Variants in ENO1 observed in about 807,000 individuals in gnomAD.
ENO1 encodes the protein enolase 1.
In ENO1, 33 loss-of-function variants were observed where a neutral mutation model predicts 46.3. The observed-to-expected ratio is 0.71, with a 90% confidence interval of 0.54 to 0.95. The LOEUF is 0.95. ENO1 is among the 40% of genes least tolerant of loss of function. The pLI, the probability that ENO1 is intolerant of heterozygous loss-of-function variation, is 0.00. For missense variants in ENO1, 488 were observed against 553.3 expected (o/e 0.88, Z 1.18); for synonymous variants, 220 against 216.0 (o/e 1.02, Z -0.16).
intron 11 of ENO1, among the ~76,000 whole-genome samples, chr1:8,862,462 C>G (rs1642424879): frequency 6.6e-6 from 1 of 152,194 alleles, no homozygotes; most frequent in Admixed American, 6.5e-5. Flanking sequence ...AGCCCCACAG[C>G]GCTCACAAGT....
intron 2 of ENO1, among the ~76,000 whole-genome samples, chr1:8,874,593 A>G (rs1159123557): frequency 1.3e-5 from 2 of 150,404 alleles, no homozygotes; most frequent in African/African-American, 4.9e-5. Flanking sequence ...AAAAAAAAAA[A>G]AAAAAAAGAA....
rs1642393024 is a variant in ENO1 at position 8,861,117 on chromosome 1, G to T, written c.*243C>A. 2 of 490,352 alleles carry T rather than the reference G, an allele frequency of 4.1e-6. No homozygotes were observed. Among genetic ancestry groups the T allele is most frequent in the African/African-American group, 3.9e-5 (2 of 51,710 alleles). The allele number at this position is 490,352 out of a possible 1,614,324, so 30.4% of individuals were successfully genotyped here. On this transcript the variant is annotated 3_prime_UTR_variant, in exon 12 of 12. Coordinates refer to ENST00000234590, the MANE Select transcript of ENO1 (RefSeq NM_001428.5). ...TGACTCTAGACACTTGGTGGAAAGT[G>T]AGGCGAGAAAAACAATGACTTGGGC... is the stretch of plus-strand genomic sequence containing the variant.
chr1:8,870,874 C>T, intron 3 of ENO1: 4 of 1,271,546 alleles, frequency 3.1e-6, no homozygotes, highest in Non-Finnish European at 3.0e-6. Flanking sequence ...CTTAATGGGT[C>T]TGGAGACGCC....
intron 3 of ENO1, 129 bp from the exon 4 acceptor site, chr1:8,870,639 C>A (rs1046934823): frequency 1.3e-6 from 2 of 1,517,358 alleles, no homozygotes; most frequent in South Asian, 2.4e-5. Context: ...GACCTCTTCC[C>A]CCTCTCCCCT....
At chr1:8,875,317 AAAAG>A (rs956021226) in intron 1 of ENO1, among the ~76,000 whole-genome samples, 7 of 152,244 alleles carry the variant, frequency 4.6e-5, no homozygotes, top group East Asian at 1.9e-4. Flanking sequence ...GAAAAAAAAA[AAAAG>A]AGAGAGAAAA....
At chr1:8,865,941 G>A in intron 7 of ENO1, 1 of 330,734 alleles carries the variant, frequency 3.0e-6, no homozygotes, top group Non-Finnish European at 5.6e-6. Context: ...TGGCTAAGCT[G>A]CCCTGCCAGC....
rs775148740 is a variant in ENO1 at position 8,866,427 on chromosome 1, G to T, written c.519C>A (p.Val173=). ...LAMQEFMILP[V]GAANFREAMR... ...TGGCTTCCCTGAAGTTTGCTGCACC[G>T]ACTGGGAGGATCATGAACTCCTGCA... The change falls in exon 7 of 12, where the codon GTC becomes GTA. Residue 173 remains valine, a synonymous_variant. Transcript: ENST00000234590. The T allele has an allele frequency of 1.2e-6, 2 of 1,614,066 alleles. No individual in the cohort carries two copies. The highest frequency in any genetic ancestry group is 2.2e-5 in the East Asian group (1 of 44,896).
At chr1:8,867,937 C>A in intron 5 of ENO1, 51 bp downstream of exon 5, 1 of 1,532,766 alleles carries the variant, frequency 6.5e-7, no homozygotes, top group South Asian at 1.1e-5. Flanking sequence ...TTAAAATCTT[C>A]AGGAGACTTC....
intron 2 of ENO1, chr1:8,873,642 CAGCA>C (rs1456705076): frequency 6.6e-6 from 1 of 152,242 alleles, no homozygotes; most frequent in Non-Finnish European, 1.5e-5. Context: ...AGAGCCCACA[CAGCA>C]AGCAGCCAAC....
chr1:8,864,812 C>T (rs1199024224), intron 8 of ENO1, among the ~76,000 whole-genome samples: 3 of 152,158 alleles, frequency 2.0e-5, no homozygotes, highest in Admixed American at 6.5e-5. Context: ...TGAATTCTTG[C>T]CCCACCATTT....
At chr1:8,871,171 A>G (rs1569914156) in intron 3 of ENO1, 1 of 1,093,688 alleles carries the variant, frequency 9.1e-7, no homozygotes, top group Non-Finnish European at 1.1e-6. Context: ...GGGACTGAAC[A>G]CCCAGCACCA....
chr1:8,866,274 T>C lies in ENO1; in HGVS notation c.667+5A>G. 1 of 1,613,732 alleles carries C rather than the reference T, an allele frequency of 6.2e-7. No individual in the cohort carries two copies. Reference sequence around the variant, plus strand: ...GGTGGGGGGGCGGTTCCCTAGCGCCTTTACCTTCTTTATTCTCCAGGATGT... The same window carrying C: ...GGTGGGGGGGCGGTTCCCTAGCGCCCTTACCTTCTTTATTCTCCAGGATGT... On this transcript the variant is annotated splice_donor_5th_base_variant and intron_variant, in intron 7 of 11. Transcript: ENST00000234590.
intron 1 of ENO1, among the ~76,000 whole-genome samples, chr1:8,876,608 A>T (rs1188317198): frequency 2.0e-5 from 3 of 152,104 alleles, no homozygotes; most frequent in Non-Finnish European, 4.4e-5. Context: ...AAGACGAAAG[A>T]AAGTCTTGGC....
Position 8,866,259 on chromosome 1 carries a change from C to T in ENO1, c.667+20G>A, listed in dbSNP as rs1011319085. On this transcript the variant is annotated intron_variant, in intron 7 of 11. Transcript: ENST00000234590. ...GGCGCTGCAGGGCTGGGTGGGGGGG[C>T]GGTTCCCTAGCGCCTTTACCTTCTT... The T allele has an allele frequency of 8.7e-6, 14 of 1,610,728 alleles. No homozygotes were observed. Among genetic ancestry groups the T allele is most frequent in the Middle Eastern group, 3.4e-4 (2 of 5,842 alleles).
At chr1:8,866,577 C>T in intron 6 of ENO1, 76 bp from the exon 7 acceptor site, 1 of 1,476,882 alleles carries the variant, frequency 6.8e-7, no homozygotes, top group Non-Finnish European at 9.4e-7. Flanking sequence ...TCTGGTCCTA[C>T]CATCCCAATC....
At chr1:8,876,625 C>T (rs1318127019) in intron 1 of ENO1, among the ~76,000 whole-genome samples, 3 of 152,026 alleles carry the variant, frequency 2.0e-5, no homozygotes, top group Non-Finnish European at 4.4e-5. Flanking sequence ...TGGCCGGGCG[C>T]GGTGGCTCAC....
chr1:8,867,135 T>C lies in ENO1; in HGVS notation c.426A>G (p.Glu142=). The C allele has an allele frequency of 6.2e-7, 1 of 1,614,070 alleles. No individual in the cohort carries two copies. Among genetic ancestry groups the C allele is most frequent in the Non-Finnish European group, 8.5e-7 (1 of 1,179,966 alleles). Residue 142 remains glutamate, a synonymous_variant, in exon 6 of 12, where the codon GAA becomes GAG. Transcript: ENST00000234590. ...CACTCACCGGGACTGGCAGGATGAC[T>C]TCAGAGTTGCCAGCCAAGTCAGCGA... ...RHIADLAGNS[E]VILPVPAFNV...
At chr1:8,863,579 C>T (rs1642448608) in intron 9 of ENO1, among the ~76,000 whole-genome samples, 1 of 152,198 alleles carries the variant, frequency 6.6e-6, no homozygotes, top group Non-Finnish European at 1.5e-5. Flanking sequence ...GGTTCAGCCT[C>T]CCTTGATGGG....
At chr1:8,872,192 A>G (rs928783419) in intron 2 of ENO1, among the ~76,000 whole-genome samples, 1 of 152,142 alleles carries the variant, frequency 6.6e-6, no homozygotes, top group Non-Finnish European at 1.5e-5. Context: ...AAAGATGACT[A>G]ATTCCTCTAG....
Sources: gnomAD v4.1 joint callset for allele counts (sites outside exome capture counted in the v4.1 genomes callset) on GRCh38, gnomAD v4.1.1 for gene constraint, MANE v1.5 for transcripts, NCBI Gene and HGNC (gene_info 2026-07-23, HGNC 2026-07-21) for gene names.